Variants in GALNTL6 observed in about 807,000 individuals in gnomAD.
The protein encoded by GALNTL6 is polypeptide N-acetylgalactosaminyltransferase-like 6.
In GALNTL6, 46 loss-of-function variants were observed where a neutral mutation model predicts 73.7. That is an observed-to-expected ratio of 0.62 (90% CI 0.49 to 0.80). GALNTL6 has a LOEUF of 0.80. Ranked by LOEUF, GALNTL6 falls within the 30% of genes least tolerant of loss-of-function variation. The pLI is 0.00. For synonymous variants in GALNTL6, 259 were observed against 263.7 expected (o/e 0.98, Z 0.17); for missense variants, 604 against 755.0 (o/e 0.80, Z 2.34).
At chr4:172,780,877 A>C (rs918407830) in intron 5 of GALNTL6, among the ~76,000 whole-genome samples, 3 of 152,212 alleles carry the variant, frequency 2.0e-5, no homozygotes, top group African/African-American at 4.8e-5. Flanking sequence ...TGGGCTGTGC[A>C]TATCAGAGCT....
chr4:172,394,343 A>G (rs1287708457), intron 5 of GALNTL6, among the ~76,000 whole-genome samples: 1 of 151,742 alleles, frequency 6.6e-6, no homozygotes, highest in African/African-American at 2.4e-5. Flanking sequence ...AGTTTCTTTG[A>G]TGTAACACAT....
chr4:172,868,294 G>T (rs1291717205), intron 7 of GALNTL6, among the ~76,000 whole-genome samples: 1 of 152,120 alleles, frequency 6.6e-6, no homozygotes, highest in Non-Finnish European at 1.5e-5. Flanking sequence ...TGGAGACCCT[G>T]CCTCCACATA....
At chr4:172,038,482 G>A (rs1041115805) in intron 2 of GALNTL6, among the ~76,000 whole-genome samples, 3 of 152,122 alleles carry the variant, frequency 2.0e-5, no homozygotes, top group East Asian at 1.9e-4. Context: ...CTATTGTTTC[G>A]TTAAATAATA....
At chr4:172,134,451 T>A (rs1486100453) in intron 2 of GALNTL6, among the ~76,000 whole-genome samples, 3 of 151,686 alleles carry the variant, frequency 2.0e-5, no homozygotes, top group African/African-American at 7.3e-5. Context: ...GGTTTATTCA[T>A]CTTAATGACC....
At chr4:172,482,052 C>T (rs368287253) in intron 5 of GALNTL6, among the ~76,000 whole-genome samples, 37 of 152,332 alleles carry the variant, frequency 2.4e-4, no homozygotes, top group Non-Finnish European at 4.1e-4. Flanking sequence ...AGAATTCGAG[C>T]GCAGCGCAGG....
At position 172,210,896 on chromosome 4, in the gene GALNTL6, T is replaced by A. The variant is rs538177322; in HGVS notation, c.139-18760T>A. 3.5e-4 allele frequency among the ~76,000 whole-genome samples: 53 copies of A among 152,334 alleles called. 1 individual carries two copies. The South Asian group carries it at 9.9e-3, about 29-fold the overall frequency. On this transcript the variant is annotated intron_variant, in intron 2 of 12. Coordinates refer to ENST00000506823, the MANE Select transcript of GALNTL6 (RefSeq NM_001034845.3). ...TTATATCAGTATAGTCTCACAGACA[T>A]GTTTTTAGTACTTTGTATTACCAAA...
At chr4:172,196,254 G>A (rs1372498179) in intron 2 of GALNTL6, among the ~76,000 whole-genome samples, 2 of 151,954 alleles carry the variant, frequency 1.3e-5, no homozygotes, top group Non-Finnish European at 2.9e-5. Context: ...TACGAAGAAG[G>A]TGAATCCGTG....
intron 10 of GALNTL6, among the ~76,000 whole-genome samples, chr4:172,997,898 A>C (rs1038517477): frequency 6.6e-6 from 1 of 152,226 alleles, no homozygotes; most frequent in African/African-American, 2.4e-5. Context: ...CATGTTTCAC[A>C]AATAATAAAA....
intron 5 of GALNTL6, among the ~76,000 whole-genome samples, chr4:172,785,066 A>C (rs946786420): frequency 1.3e-5 from 2 of 152,188 alleles, no homozygotes; most frequent in Non-Finnish European, 2.9e-5. Flanking sequence ...ATGAAATAAT[A>C]TCTGATAGAG....
intron 5 of GALNTL6, among the ~76,000 whole-genome samples, chr4:172,728,192 G>A (rs945193576): frequency 7.9e-5 from 12 of 152,092 alleles, no homozygotes; most frequent in Non-Finnish European, 1.2e-4. Context: ...CACCAAGCCC[G>A]GCCCAATCTT....
At chr4:172,517,393 G>A (rs544397368) in intron 5 of GALNTL6, among the ~76,000 whole-genome samples, 11 of 152,108 alleles carry the variant, frequency 7.2e-5, no homozygotes, top group African/African-American at 2.2e-4. Flanking sequence ...TAATCTCTTA[G>A]GAATGACTTG....
intron 5 of GALNTL6, among the ~76,000 whole-genome samples, chr4:172,620,437 T>C (rs75053125): frequency 0.032 from 4,822 of 152,286 alleles, 118 homozygotes; most frequent in South Asian, 0.091. Context: ...TATTATTTCA[T>C]TCTGTTTTGT....
At chr4:172,163,763 C>T (rs999301291) in intron 2 of GALNTL6, among the ~76,000 whole-genome samples, 1 of 151,934 alleles carries the variant, frequency 6.6e-6, no homozygotes, top group Admixed American at 6.6e-5. Context: ...AAATGTAAGC[C>T]TCAATGGAAA....
chr4:172,740,753 C>T (rs1453781677), intron 5 of GALNTL6, among the ~76,000 whole-genome samples: 1 of 151,974 alleles, frequency 6.6e-6, no homozygotes, highest in Non-Finnish European at 1.5e-5. Context: ...AAATTACCCA[C>T]AAGAATAGTG....
intron 2 of GALNTL6, among the ~76,000 whole-genome samples, chr4:171,903,987 C>T (rs996666136): frequency 2.0e-5 from 3 of 152,222 alleles, no homozygotes; most frequent in African/African-American, 7.2e-5. Flanking sequence ...ACCAAAAACC[C>T]ATCTGTACAT....
intron 2 of GALNTL6, among the ~76,000 whole-genome samples, chr4:172,093,085 G>T (rs1362988039): frequency 6.6e-6 from 1 of 151,840 alleles, no homozygotes; most frequent in Non-Finnish European, 1.5e-5. Context: ...TGTTGGACAG[G>T]ATGGTCTGGA....
intron 2 of GALNTL6, among the ~76,000 whole-genome samples, chr4:171,888,202 TC>T (rs1275229483): frequency 2.0e-5 from 3 of 151,804 alleles, no homozygotes; most frequent in Non-Finnish European, 2.9e-5. Context: ...TAATAACTTT[TC>T]CCCCTATGTG....
chr4:172,378,596 T>TA (rs939609252), intron 5 of GALNTL6, among the ~76,000 whole-genome samples: 97 of 152,086 alleles, frequency 6.4e-4, no homozygotes, highest in African/African-American at 2.1e-3. Context: ...TGTTGTTTTT[T>TA]AAAAAAAATT....
At chr4:172,950,955 G>C (rs1312031900) in intron 9 of GALNTL6, among the ~76,000 whole-genome samples, 2 of 152,118 alleles carry the variant, frequency 1.3e-5, no homozygotes, top group African/African-American at 4.8e-5. Flanking sequence ...CATCAAAACT[G>C]GTATCTTCTA....
Sources: gnomAD v4.1 joint callset for allele counts (sites outside exome capture counted in the v4.1 genomes callset) on GRCh38, gnomAD v4.1.1 for gene constraint, MANE v1.5 for transcripts, NCBI Gene and HGNC (gene_info 2026-07-23, HGNC 2026-07-21) for gene names.